The following RXFP1 variants were observed in gnomAD, a reference collection of about 807,000 sequenced individuals.
The protein encoded by RXFP1 is relaxin receptor 1.
Under a neutral mutation model 89.8 loss-of-function variants are expected in RXFP1, and 73 were observed. The ratio of observed to expected loss-of-function variants is 0.81; its 90% CI spans 0.67 to 0.99. RXFP1 has a LOEUF of 0.99. Ranked by LOEUF, RXFP1 falls within the 50% of genes least tolerant of loss-of-function variation. The probability of loss-of-function intolerance (pLI) is 0.00; values close to 1 mark genes in which losing one functional copy is unlikely to be tolerated. For synonymous variants in RXFP1, 277 were observed against 305.5 expected, an observed-to-expected ratio of 0.91 and a Z score of 0.97; for missense variants, 793 against 895.5, an observed-to-expected ratio of 0.89 and a Z score of 1.46.
chr4:158,608,940 G>T (rs1464004604), intron 6 of RXFP1, among the ~76,000 whole-genome samples: 1 of 152,174 alleles, frequency 6.6e-6, no homozygotes, highest in Admixed American at 6.5e-5. Flanking sequence ...TGTCTTTAAT[G>T]TTCACGTGTT....
intron 11 of RXFP1, among the ~76,000 whole-genome samples, chr4:158,629,872 G>A (rs578009460): frequency 5.9e-5 from 9 of 151,886 alleles, no homozygotes; most frequent in South Asian, 2.1e-4. Flanking sequence ...CAATCCTCCC[G>A]CCTCAGCTTC....
At chr4:158,593,618 A>C (rs1759965838) in intron 3 of RXFP1, 119 bp downstream of exon 3, 1 of 577,032 alleles carries the variant, frequency 1.7e-6, no homozygotes. Flanking sequence ...TTTTAATTAA[A>C]GAAACTTAAA....
In RXFP1 at chr4:158,648,527, A is replaced by C; in HGVS notation, c.1785A>C (p.Ile595=). Residue 595 remains isoleucine, a synonymous_variant, in exon 17 of 18, where the codon ATA becomes ATC. Coordinates refer to ENST00000307765, the MANE Select transcript of RXFP1 (RefSeq NM_021634.4). ...LGINLAAFII[I]VFSYGSMFYS... is the part of the protein sequence containing the mutation. ...TTAATTTGGCCGCATTTATCATCATAGTTTTTTCCTATGGAAGCATGTTTT... is the reference window on the plus strand; with the variant it reads ...TTAATTTGGCCGCATTTATCATCATCGTTTTTTCCTATGGAAGCATGTTTT... The C allele has an allele frequency of 6.2e-7, 1 of 1,607,536 alleles. No homozygotes were observed. Among genetic ancestry groups the C allele is most frequent in the Non-Finnish European group, 8.5e-7 (1 of 1,176,740 alleles).
rs1166004355 is a variant in RXFP1, at chr4:158,652,606, CTCTT to C, written c.*553_*556del. The stretch of plus-strand genomic sequence containing the variant: ...TCTGTTTTAAGAATCCATCTTACCT[CTCTT>C]TAAGTTTCCATACACTTGAGAGCCA... On this transcript the variant is annotated 3_prime_UTR_variant, in exon 18 of 18. Transcript: ENST00000307765. The C allele has an allele frequency of 6.6e-6, 1 of 152,238 alleles. No homozygotes were observed. The highest frequency in any genetic ancestry group is 1.5e-5 in the Non-Finnish European group (1 of 68,046). 9.4% of individuals were successfully genotyped at this position (152,238 alleles called of 1,614,324 possible). A position where few individuals can be genotyped will look rare whatever the true frequency, so the allele number is the denominator to read the frequency against.
intron 8 of RXFP1, 91 bp from the exon 9 acceptor site, chr4:158,617,040 G>A: frequency 2.4e-6 from 2 of 843,218 alleles, no homozygotes; most frequent in Non-Finnish European, 1.8e-6. Flanking sequence ...GTGGATTTGT[G>A]GGTTTCATAA....
At chr4:158,584,231 G>A (rs947575534) in intron 2 of RXFP1, among the ~76,000 whole-genome samples, 5 of 152,022 alleles carry the variant, frequency 3.3e-5, no homozygotes, top group African/African-American at 1.2e-4. Context: ...TCAGGAGTTC[G>A]AGACCAGCCT....
chr4:158,602,397 G>GTC (rs1761850117), intron 4 of RXFP1, among the ~76,000 whole-genome samples: 2 of 152,134 alleles, frequency 1.3e-5, no homozygotes, highest in South Asian at 4.2e-4. Context: ...CCTCACTTGT[G>GTC]TCTCTTTTAT....
intron 1 of RXFP1, among the ~76,000 whole-genome samples, chr4:158,565,225 A>G (rs1398891452): frequency 6.6e-6 from 1 of 152,222 alleles, no homozygotes; most frequent in East Asian, 1.9e-4. Context: ...CACTGTCAGG[A>G]AAGGGAGTAA....
intron 11 of RXFP1, among the ~76,000 whole-genome samples, chr4:158,630,668 A>G (rs956853262): frequency 2.6e-5 from 4 of 152,244 alleles, no homozygotes; most frequent in Non-Finnish European, 5.9e-5. Context: ...ACCAAGGCCA[A>G]TAATTTGTCT....
chr4:158,539,144 G>A (rs1436177530), intron 1 of RXFP1, among the ~76,000 whole-genome samples: 1 of 152,198 alleles, frequency 6.6e-6, no homozygotes, highest in Non-Finnish European at 1.5e-5. Flanking sequence ...AAGTTAGGCA[G>A]TGGCAACAGA....
chr4:158,541,228 G>C (rs1272799875), intron 1 of RXFP1, among the ~76,000 whole-genome samples: 1 of 152,094 alleles, frequency 6.6e-6, no homozygotes. Context: ...AAAGATGGAA[G>C]AAAAAATCAC....
chr4:158,595,811 A>G (rs1018201277), intron 3 of RXFP1, among the ~76,000 whole-genome samples: 1 of 152,192 alleles, frequency 6.6e-6, no homozygotes, highest in Non-Finnish European at 1.5e-5. Context: ...TCTCAGCATC[A>G]TGCCATTATT....
At chr4:158,527,345 C>T (rs1742768737) in intron 1 of RXFP1, among the ~76,000 whole-genome samples, 1 of 151,684 alleles carries the variant, frequency 6.6e-6, no homozygotes, top group Admixed American at 6.6e-5. Context: ...GAGTTCAAGA[C>T]CAGCCTGGCC....
At chr4:158,545,558 T>G (rs923790219) in intron 1 of RXFP1, among the ~76,000 whole-genome samples, 3 of 152,234 alleles carry the variant, frequency 2.0e-5, no homozygotes, top group African/African-American at 7.2e-5. Context: ...GCCTAGGTTT[T>G]CTTCTAGGGC....
chr4:158,553,267 C>T (rs1339242226), intron 1 of RXFP1, among the ~76,000 whole-genome samples: 7 of 151,844 alleles, frequency 4.6e-5, no homozygotes, highest in South Asian at 2.1e-4. Flanking sequence ...TAAGAAATGG[C>T]GATATAAGTG....
chr4:158,593,553 T>C, intron 3 of RXFP1, 54 bp downstream of exon 3: 1 of 942,310 alleles, frequency 1.1e-6, no homozygotes, highest in East Asian at 2.6e-5. Flanking sequence ...GACACCATTT[T>C]TAAAAGTTTG....
At chr4:158,648,785 CAATT>C (rs1772060624) in intron 17 of RXFP1, 68 bp downstream of exon 17, 1 of 984,358 alleles carries the variant, frequency 1.0e-6, no homozygotes, top group African/African-American at 1.6e-5. Context: ...TTAAGGAAAA[CAATT>C]AAAATTCTTA....
intron 1 of RXFP1, among the ~76,000 whole-genome samples, chr4:158,547,937 G>T (rs1020623573): frequency 2.0e-5 from 3 of 152,200 alleles, no homozygotes; most frequent in African/African-American, 7.2e-5. Flanking sequence ...TTGATTTGGG[G>T]TGGAAAGTTC....
rs76934390 is a variant in RXFP1, at chr4:158,640,504, G to A, written c.1115+1173G>A. Among the ~76,000 whole-genome samples the A allele has an allele frequency of 2.4e-3, 369 of 152,268 alleles. 4 individuals are homozygous for A. The highest frequency in any genetic ancestry group is 8.1e-3 in the African/African-American group (338 of 41,548). On this transcript the variant is annotated intron_variant, in intron 14 of 17. Transcript: ENST00000307765. Reference sequence around the variant, plus strand: ...AGAGGGAGTAGGTGTGTCAAATGGCGAGAGAGAAAGCCAGAGAGAGAAGAG... The same window carrying A: ...AGAGGGAGTAGGTGTGTCAAATGGCAAGAGAGAAAGCCAGAGAGAGAAGAG...
Sources: gnomAD v4.1 joint callset for allele counts (sites outside exome capture counted in the v4.1 genomes callset) on GRCh38, gnomAD v4.1.1 for gene constraint, MANE v1.5 for transcripts, NCBI Gene and HGNC (gene_info 2026-07-23, HGNC 2026-07-21) for gene names.